The following DPP6 variants were observed in gnomAD, a reference collection of about 807,000 sequenced individuals.
DPP6 encodes the protein dipeptidyl peptidase like 6.
A neutral mutation model predicts 122.6 loss-of-function variants in DPP6; 69 were observed. The ratio of observed to expected loss-of-function variants is 0.56; its 90% CI spans 0.46 to 0.69. The LOEUF is 0.69. Ranked by LOEUF, DPP6 falls within the 30% of genes least tolerant of loss-of-function variation. The pLI is 0.00. For synonymous variants in DPP6, 418 were observed against 433.1 expected, an observed-to-expected ratio of 0.97 and a Z score of 0.43; for missense variants, 928 against 1,116.9, an observed-to-expected ratio of 0.83 and a Z score of 2.41.
intron 12 of DPP6, among the ~76,000 whole-genome samples, chr7:154,797,841 G>C (rs1462032147): frequency 1.3e-5 from 2 of 152,222 alleles, no homozygotes; most frequent in African/African-American, 4.8e-5. Flanking sequence ...TAGAGCATGA[G>C]CTCTTAAAGA....
chr7:154,392,653 TA>T (rs1428874413), intron 1 of DPP6, among the ~76,000 whole-genome samples: 1 of 152,226 alleles, frequency 6.6e-6, no homozygotes, highest in African/African-American at 2.4e-5. Flanking sequence ...CATTTCTTGT[TA>T]GTCCTCAGTT....
the DPP6 span, among the ~76,000 whole-genome samples, chr7:153,824,664 A>G: frequency 6.6e-6 from 1 of 151,134 alleles, no homozygotes; most frequent in African/African-American, 2.4e-5. Context: ...AGTCTGGGTA[A>G]CAAGAGTAAA....
chr7:154,310,779 G>A (rs970505272), intron 1 of DPP6, among the ~76,000 whole-genome samples: 2 of 152,060 alleles, frequency 1.3e-5, no homozygotes, highest in South Asian at 2.1e-4. Flanking sequence ...AATGAACAGC[G>A]TGCACGTGGA....
intron 5 of DPP6, among the ~76,000 whole-genome samples, chr7:154,620,333 C>T (rs1024709772): frequency 6.6e-6 from 1 of 152,174 alleles, no homozygotes; most frequent in Non-Finnish European, 1.5e-5. Context: ...TCAGTTTCAT[C>T]GTAATCATAC....
chr7:154,507,887 C>A (rs1825780368), intron 3 of DPP6, among the ~76,000 whole-genome samples: 1 of 152,130 alleles, frequency 6.6e-6, no homozygotes, highest in Non-Finnish European at 1.5e-5. Context: ...CCTTTTGGAG[C>A]AACTCAGAAT....
In DPP6 at chr7:153,933,217, A is replaced by AT. The variant is rs532630309; in HGVS notation, c.51+45493dup. On this transcript the variant is annotated intron_variant, in intron 1 of 25. Transcript: ENST00000404039. The stretch of plus-strand genomic sequence containing the variant: ...CTAAGTTTCCTCAACGGTAAACAAG[A>AT]TTTTTTTTTTGACCAATGATCTCTA... 6.0e-3 allele frequency among the ~76,000 whole-genome samples: 898 copies of AT among 150,690 alleles called. 5 individuals are homozygous for AT. The highest frequency in any genetic ancestry group is 0.01 in the Non-Finnish European group (684 of 67,546).
At chr7:154,883,443 CACACATGCTCACCCAT>C (rs1805636699) in intron 21 of DPP6, 1 of 148,040 alleles carries the variant, frequency 6.8e-6, no homozygotes, top group African/African-American at 2.5e-5. Context: ...CTCACATTCA[CACACATGCTCACCCAT>C]ACACTTGTTC....
intron 1 of DPP6, among the ~76,000 whole-genome samples, chr7:154,333,711 C>T (rs1214073006): frequency 6.6e-6 from 1 of 152,188 alleles, no homozygotes; most frequent in Non-Finnish European, 1.5e-5. Flanking sequence ...ATCAGAAAAA[C>T]AATCTCCTCA....
chr7:153,802,424 C>A, the DPP6 span, among the ~76,000 whole-genome samples: 1 of 152,174 alleles, frequency 6.6e-6, no homozygotes, highest in Non-Finnish European at 1.5e-5. Context: ...AAGACTTTCA[C>A]ACAGTAATAT....
intron 1 of DPP6, among the ~76,000 whole-genome samples, chr7:154,062,351 G>C (rs10265515): frequency 0.35 from 2,696 of 7,670 alleles, 47 homozygotes; most frequent in Non-Finnish European, 0.38. Flanking sequence ...GCGAGGGTGG[G>C]GACTGAGAGC....
rs566606983 is a variant in DPP6 at position 153,937,941 on chromosome 7, A to G, written c.51+50207A>G. Among the ~76,000 whole-genome samples the G allele has an allele frequency of 2.8e-4, 43 of 152,284 alleles. No individual in the cohort carries two copies. The South Asian group carries it at 8.3e-3, about 29-fold the overall frequency. On this transcript the variant is annotated intron_variant, in intron 1 of 25. Coordinates refer to the DPP6 transcript ENST00000404039. ...AATTACACATGCCAGATCCCATTCA[A>G]CTGAGGGAAAGGATGACATAGGTTC...
the DPP6 span, among the ~76,000 whole-genome samples, chr7:153,862,534 G>A: frequency 6.6e-6 from 1 of 152,184 alleles, no homozygotes; most frequent in Non-Finnish European, 1.5e-5. Context: ...TAAACTCTGG[G>A]TTTAGTTTTC....
At chr7:154,435,102 G>T (rs1349462925) in intron 1 of DPP6, among the ~76,000 whole-genome samples, 1 of 152,154 alleles carries the variant, frequency 6.6e-6, no homozygotes, top group African/African-American at 2.4e-5. Flanking sequence ...CTCCCAAAGT[G>T]CTGGAATTAC....
At chr7:154,746,024 T>C (rs529427317) in intron 8 of DPP6, among the ~76,000 whole-genome samples, 1 of 152,292 alleles carries the variant, frequency 6.6e-6, no homozygotes, top group South Asian at 2.1e-4. Context: ...GTTGATTGGT[T>C]ATGAATATTG....
chr7:154,313,712 T>TATATATATATATATATATTA (rs1554515587), intron 1 of DPP6, among the ~76,000 whole-genome samples: 1 of 24,914 alleles, frequency 4.0e-5, no homozygotes, highest in Non-Finnish European at 9.8e-5. Context: ...TATATATATA[T>TATATATATATATATATATTA]ATACACACAC....
At chr7:154,617,563 T>C (rs748873572) in intron 5 of DPP6, among the ~76,000 whole-genome samples, 9 of 152,194 alleles carry the variant, frequency 5.9e-5, no homozygotes, top group Admixed American at 3.9e-4. Flanking sequence ...AATTGTGATA[T>C]GGAGCAAAGA....
rs569622540 is a variant in DPP6, at chr7:154,845,380, G to A, written c.1667-8400G>A. On this transcript the variant is annotated intron_variant, in intron 16 of 25. Transcript: ENST00000377770. ...TTCAATCACAAATTAGAAAGCACAC[G>A]GGAGAAATACCTGCAGCAACGTGGT... Among the ~76,000 whole-genome samples, 15 of 152,284 alleles carry A rather than the reference G, an allele frequency of 9.9e-5. No homozygotes were observed. In the East Asian group the frequency reaches 1.3e-3, roughly 14 times the overall value.
At chr7:154,689,721 C>T (rs1370235553) in intron 7 of DPP6, among the ~76,000 whole-genome samples, 1 of 152,096 alleles carries the variant, frequency 6.6e-6, no homozygotes, top group Non-Finnish European at 1.5e-5. Context: ...TATAATTTAC[C>T]AATTCACTTC....
rs139782723 is a variant in DPP6 at position 154,067,938 on chromosome 7, T to G, written c.243+14875T>G. 2.7e-3 allele frequency among the ~76,000 whole-genome samples: 406 copies of G among 147,970 alleles called. 4 individuals are homozygous for G. The highest frequency in any genetic ancestry group is 9.7e-3 in the African/African-American group (366 of 37,584). ...TTTTTGTTTGTTTGTTTGTTTGTTT[T>G]TTTGATAAAGATTGAGTCTTCCTAT... is the stretch of plus-strand genomic sequence containing the variant. On this transcript the variant is annotated intron_variant, in intron 1 of 25. Transcript: ENST00000377770.
Sources: gnomAD v4.1 joint callset for allele counts (sites outside exome capture counted in the v4.1 genomes callset) on GRCh38, gnomAD v4.1.1 for gene constraint, MANE v1.5 for transcripts, NCBI Gene and HGNC (gene_info 2026-07-23, HGNC 2026-07-21) for gene names.